Variants in CSMD1 observed in about 807,000 individuals in gnomAD.
The protein encoded by CSMD1 is CUB and Sushi multiple domains 1.
A neutral mutation model predicts 417.5 loss-of-function variants in CSMD1; 213 were observed. That is an observed-to-expected ratio of 0.51 (90% CI 0.46 to 0.57). The LOEUF (loss-of-function observed/expected upper bound fraction) is 0.57. Ranked by LOEUF, CSMD1 falls within the 20% of genes least tolerant of loss-of-function variation. The pLI, the probability that CSMD1 is intolerant of heterozygous loss-of-function variation, is 0.00. For missense variants in CSMD1, 6,923 were observed against 4,529.7 expected (o/e 1.53, Z -15.17); for synonymous variants, 2,862 against 1,736.8 (o/e 1.65, Z -16.11).
intron 23 of CSMD1, among the ~76,000 whole-genome samples, chr8:3,337,657 C>G (rs766916337): frequency 1.4e-4 from 21 of 152,178 alleles, no homozygotes; most frequent in Admixed American, 2.6e-4. Context: ...GCTCAACCAT[C>G]TCAAAATGAT....
At chr8:4,833,217 G>C (rs888460451) in intron 1 of CSMD1, among the ~76,000 whole-genome samples, 1 of 152,182 alleles carries the variant, frequency 6.6e-6, no homozygotes, top group Non-Finnish European at 1.5e-5. Context: ...AAGAAAAGTG[G>C]ATTAACTGAC....
intron 1 of CSMD1, among the ~76,000 whole-genome samples, chr8:4,817,119 G>C (rs1383361052): frequency 6.6e-6 from 1 of 152,056 alleles, no homozygotes; most frequent in Admixed American, 6.6e-5. Flanking sequence ...CCATGTATCT[G>C]TATATAAATA....
At chr8:3,487,236 C>T (rs1478919991) in intron 11 of CSMD1, among the ~76,000 whole-genome samples, 1 of 152,258 alleles carries the variant, frequency 6.6e-6, no homozygotes, top group East Asian at 1.9e-4. Flanking sequence ...GAGTCTAGCT[C>T]TGTCTCCCAG....
chr8:4,944,791 C>T (rs189431370), intron 1 of CSMD1, among the ~76,000 whole-genome samples: 134 of 152,170 alleles, frequency 8.8e-4, no homozygotes, highest in African/African-American at 3.0e-3. Context: ...ACCCGCTGCA[C>T]TCTTGGTGGG....
chr8:3,879,998 C>G (rs931982821), intron 5 of CSMD1, among the ~76,000 whole-genome samples: 1 of 152,030 alleles, frequency 6.6e-6, no homozygotes, highest in Non-Finnish European at 1.5e-5. Context: ...AATTTTGATT[C>G]TGTACCGAAG....
chr8:4,219,921 G>T (rs965282846), intron 3 of CSMD1, among the ~76,000 whole-genome samples: 5 of 152,102 alleles, frequency 3.3e-5, no homozygotes, highest in African/African-American at 4.8e-5. Context: ...ATGATGGAGA[G>T]AATCACTCAA....
chr8:4,290,659 T>C (rs1207329471), intron 3 of CSMD1, among the ~76,000 whole-genome samples: 3 of 152,244 alleles, frequency 2.0e-5, no homozygotes, highest in Admixed American at 2.0e-4. Flanking sequence ...TTCATAATTA[T>C]GATCCAGGTT....
intron 1 of CSMD1, among the ~76,000 whole-genome samples, chr8:4,681,406 C>T (rs1806045138): frequency 6.6e-6 from 1 of 152,162 alleles, no homozygotes; most frequent in Non-Finnish European, 1.5e-5. Context: ...ATCTATTTCC[C>T]TCTTTCCATC....
chr8:3,393,771 T>C (rs1459340430), intron 17 of CSMD1, among the ~76,000 whole-genome samples: 1 of 150,986 alleles, frequency 6.6e-6, no homozygotes, highest in African/African-American at 2.4e-5. Context: ...TTCTCACTCA[T>C]AGGTGGGAAT....
intron 1 of CSMD1, among the ~76,000 whole-genome samples, chr8:4,854,190 T>G (rs1237952227): frequency 1.3e-5 from 2 of 152,074 alleles, no homozygotes; most frequent in Non-Finnish European, 1.5e-5. Flanking sequence ...GAGAAGGGCA[T>G]GAGATTTGGG....
chr8:4,230,279 T>C (rs1801636599), intron 3 of CSMD1, among the ~76,000 whole-genome samples: 2 of 152,220 alleles, frequency 1.3e-5, no homozygotes, highest in Non-Finnish European at 2.9e-5. Context: ...ATATTCTAGA[T>C]TTATATTAAA....
chr8:3,753,164 C>A (rs543253098), intron 6 of CSMD1, among the ~76,000 whole-genome samples: 21 of 152,234 alleles, frequency 1.4e-4, no homozygotes, highest in East Asian at 7.7e-4. Flanking sequence ...ACGTTCTCAT[C>A]GTCACAATGT....
chr8:3,913,887 C>A (rs902236655), intron 5 of CSMD1, among the ~76,000 whole-genome samples: 6 of 152,180 alleles, frequency 3.9e-5, no homozygotes, highest in Non-Finnish European at 8.8e-5. Context: ...ATTACCTCGA[C>A]TGTTTTTTGT....
intron 41 of CSMD1, among the ~76,000 whole-genome samples, chr8:3,119,384 TAAAAAAAAAAAAAA>T (rs34060531): frequency 0.021 from 1,811 of 88,330 alleles, 84 homozygotes; most frequent in East Asian, 0.14. Flanking sequence ...AGTCTTTTTC[TAAAAAAAAAAAAAA>T]AAAAAAAAAA....
chr8:3,885,355 A>G (rs1229464420), intron 5 of CSMD1, among the ~76,000 whole-genome samples: 3 of 152,154 alleles, frequency 2.0e-5, no homozygotes, highest in Non-Finnish European at 4.4e-5. Flanking sequence ...ATATTGTTAA[A>G]CGGTTAAACG....
intron 1 of CSMD1, among the ~76,000 whole-genome samples, chr8:4,783,495 T>C (rs565610126): frequency 1.3e-5 from 2 of 152,330 alleles, no homozygotes; most frequent in South Asian, 2.1e-4. Context: ...GGAAGTATTG[T>C]CATTAAATAA....
chr8:3,552,363 T>C (rs368755013), intron 10 of CSMD1, among the ~76,000 whole-genome samples: 2 of 152,290 alleles, frequency 1.3e-5, no homozygotes, highest in South Asian at 2.1e-4. Flanking sequence ...TAAAGAAAAC[T>C]AAATCTCCAT....
intron 2 of CSMD1, among the ~76,000 whole-genome samples, chr8:4,506,289 C>T (rs566855045): frequency 6.6e-6 from 1 of 152,170 alleles, no homozygotes; most frequent in South Asian, 2.1e-4. Flanking sequence ...ATGGAAGCTT[C>T]GGTGATGAAA....
chr8:3,276,442 A>G (rs868393230), intron 26 of CSMD1, among the ~76,000 whole-genome samples: 1 of 152,156 alleles, frequency 6.6e-6, no homozygotes, highest in African/African-American at 2.4e-5. Flanking sequence ...CACATCTTAC[A>G]TGGTGGCAGA....
Sources: gnomAD v4.1 joint callset for allele counts (sites outside exome capture counted in the v4.1 genomes callset) on GRCh38, gnomAD v4.1.1 for gene constraint, MANE v1.5 for transcripts, NCBI Gene and HGNC (gene_info 2026-07-23, HGNC 2026-07-21) for gene names.